TRIP4: variants seen among roughly 807,000 people sequenced by gnomAD.
TRIP4 encodes the protein activating signal cointegrator 1.
Under a neutral mutation model 81.8 loss-of-function variants are expected in TRIP4, and 54 were observed. The observed-to-expected ratio is 0.66, with a 90% confidence interval of 0.53 to 0.83. The LOEUF (loss-of-function observed/expected upper bound fraction) is 0.83, where lower values mean the gene tolerates loss of function less well. TRIP4 is among the 40% of genes least tolerant of loss of function. The pLI is 0.00. For synonymous variants in TRIP4, 270 were observed against 242.8 expected (o/e 1.11, Z -1.04); for missense variants, 662 against 683.6 (o/e 0.97, Z 0.35).
At chr15:64,443,625 A>G (rs1347209752) in intron 11 of TRIP4, among the ~76,000 whole-genome samples, 1 of 152,206 alleles carries the variant, frequency 6.6e-6, no homozygotes, top group Non-Finnish European at 1.5e-5. Flanking sequence ...GATAAAAGGG[A>G]TAAGAAAGAA....
rs1458682049 is a variant in TRIP4, at chr15:64,406,400, G to A, written c.768G>A (p.Lys256=). ...TTCCTCATCAAGAATTGCGAATTAA[G>A]TCTGGTCTGGAGAAGGCTATCAAGC... ...DLLPHQELRI[K]SGLEKAIKHK... Residue 256 remains lysine (K), a synonymous_variant, in exon 6 of 13, where the codon AAG becomes AAA. Transcript: ENST00000261884. The A allele has an allele frequency of 1.2e-6, 2 of 1,614,212 alleles. No homozygotes were observed. The highest frequency in any genetic ancestry group is 1.7e-6 in the Non-Finnish European group (2 of 1,180,042).
intron 11 of TRIP4, among the ~76,000 whole-genome samples, chr15:64,431,877 CTTTTTTTTTTTT>C (rs1199638489): frequency 1.9e-5 from 1 of 52,506 alleles, no homozygotes; most frequent in Non-Finnish European, 3.3e-5. Flanking sequence ...ATTGTGTTTT[CTTTTTTTTTTTT>C]TTTTTTTTTT....
At chr15:64,422,108 A>G (rs1442948968) in intron 9 of TRIP4, among the ~76,000 whole-genome samples, 6 of 152,120 alleles carry the variant, frequency 3.9e-5, no homozygotes, top group Non-Finnish European at 8.8e-5. Context: ...GTGTAAGTTC[A>G]GCCAATGAAA....
chr15:64,425,646 CTTT>C lies in TRIP4; in HGVS notation c.1575+24_1575+26del. The C allele has an allele frequency of 7.9e-7, 1 of 1,260,452 alleles. No individual in the cohort carries two copies. The highest frequency in any genetic ancestry group is 1.1e-6 in the Non-Finnish European group (1 of 914,706). The allele number at this position is 1,260,452 out of a possible 1,614,324, so 78.1% of individuals were successfully genotyped here. ...TTAAGGAGCAGGTGAGTAAAGAATA[CTTT>C]TTTTTTTTAGAGACAGGGTTTCGCC... is the stretch of plus-strand genomic sequence containing the variant. On this transcript the variant is annotated intron_variant, in intron 11 of 12. Transcript: ENST00000261884.
intron 6 of TRIP4, among the ~76,000 whole-genome samples, chr15:64,408,044 G>A (rs141574285): frequency 0.015 from 2,194 of 150,422 alleles, 30 homozygotes; most frequent in Middle Eastern, 0.034. Flanking sequence ...TTACAGTGAG[G>A]CGAGATTAAT....
intron 11 of TRIP4, 131 bp from the exon 12 acceptor site, chr15:64,444,875 A>G (rs1892589144): frequency 1.7e-6 from 1 of 592,922 alleles, no homozygotes. Flanking sequence ...TGTTGAGCAT[A>G]ATCCTCTTTA....
chr15:64,443,737 A>G (rs958739407), intron 11 of TRIP4, among the ~76,000 whole-genome samples: 11 of 152,036 alleles, frequency 7.2e-5, no homozygotes, highest in African/African-American at 2.7e-4. Flanking sequence ...AGTTTGTTTT[A>G]TTGGCTGGGT....
intron 8 of TRIP4, among the ~76,000 whole-genome samples, chr15:64,416,397 C>T (rs1464969510): frequency 6.6e-6 from 1 of 152,026 alleles, no homozygotes; most frequent in South Asian, 2.1e-4. Context: ...ATTTGGGCCT[C>T]AAGATTGTTC....
intron 12 of TRIP4, among the ~76,000 whole-genome samples, chr15:64,453,223 T>C (rs1253260682): frequency 6.6e-6 from 1 of 152,164 alleles, no homozygotes. Flanking sequence ...CGACTGGATG[T>C]CTGGAGTCCT....
At position 64,387,923 on chromosome 15, in the gene TRIP4, G is replaced by A. The variant is rs959758571; in HGVS notation, c.60G>A (p.Leu20=). 1.3e-6 allele frequency: 2 copies of A among 1,551,208 alleles called. No homozygotes were observed. Among genetic ancestry groups the A allele is most frequent in the Non-Finnish European group, 1.7e-6 (2 of 1,147,162 alleles). ...EPLVHWCTQQ[L]RKTFGLDVSE... ...TGGTGCACTGGTGCACCCAGCAGTT[G>A]CGGAAGACTTTCGGCCTGGATGTCA... Residue 20 remains leucine (L), a synonymous_variant, in exon 1 of 13, where the codon TTG becomes TTA. Transcript: ENST00000261884.
At chr15:64,452,242 A>G (rs868396583) in intron 12 of TRIP4, among the ~76,000 whole-genome samples, 1 of 152,142 alleles carries the variant, frequency 6.6e-6, no homozygotes, top group African/African-American at 2.4e-5. Context: ...TTGGCCTCCC[A>G]AAGTACTGGG....
intron 11 of TRIP4, among the ~76,000 whole-genome samples, chr15:64,435,357 T>TA (rs144129509): frequency 0.027 from 3,963 of 149,056 alleles, 57 homozygotes; most frequent in Non-Finnish European, 0.038. Context: ...CCATCTCTGC[T>TA]AAAAAAAATA....
At chr15:64,420,178 A>G (rs985455651) in intron 9 of TRIP4, among the ~76,000 whole-genome samples, 8 of 143,824 alleles carry the variant, frequency 5.6e-5, no homozygotes, top group Admixed American at 4.2e-4. Context: ...CTGGAGTGCA[A>G]TGGTGCGTTA....
chr15:64,398,423 A>G (rs541400382), intron 4 of TRIP4, among the ~76,000 whole-genome samples: 8 of 139,050 alleles, frequency 5.8e-5, no homozygotes, highest in African/African-American at 2.2e-4. Flanking sequence ...CCCTGTCTCT[A>G]CAAAAAAAAA....
At chr15:64,452,687 T>G (rs921502668) in intron 12 of TRIP4, among the ~76,000 whole-genome samples, 2 of 152,252 alleles carry the variant, frequency 1.3e-5, no homozygotes, top group African/African-American at 4.8e-5. Flanking sequence ...CAAGGTTTCC[T>G]GTTCTTTTCA....
At chr15:64,419,990 ATTT>A (rs1410915704) in intron 9 of TRIP4, among the ~76,000 whole-genome samples, 3 of 149,972 alleles carry the variant, frequency 2.0e-5, no homozygotes, top group African/African-American at 7.4e-5. Context: ...TAATTTTTGT[ATTT>A]TTAGTAGAGA....
intron 11 of TRIP4, among the ~76,000 whole-genome samples, chr15:64,442,869 C>A (rs1433962693): frequency 6.6e-6 from 1 of 151,812 alleles, no homozygotes; most frequent in Admixed American, 6.6e-5. Context: ...CGCCTGTAAT[C>A]CCAGCTACTC....
chr15:64,444,200 C>G (rs767481902), intron 11 of TRIP4, among the ~76,000 whole-genome samples: 1 of 152,078 alleles, frequency 6.6e-6, no homozygotes, highest in Non-Finnish European at 1.5e-5. Context: ...GACCCAGAAG[C>G]CTATGAGTCA....
intron 8 of TRIP4, among the ~76,000 whole-genome samples, chr15:64,415,889 TA>T (rs2140296100): frequency 6.6e-6 from 1 of 152,304 alleles, no homozygotes; most frequent in African/African-American, 2.4e-5. Flanking sequence ...GGAAGAATTT[TA>T]ACAGAAGATT....
Sources: gnomAD v4.1 joint callset for allele counts (sites outside exome capture counted in the v4.1 genomes callset) on GRCh38, gnomAD v4.1.1 for gene constraint, MANE v1.5 for transcripts, NCBI Gene and HGNC (gene_info 2026-07-23, HGNC 2026-07-21) for gene names.